Variants in RIMBP2 observed in about 807,000 individuals in gnomAD.
The protein encoded by RIMBP2 is RIMS binding protein 2, also known as RIMS-binding protein 2.
RIMBP2 carries 48 observed loss-of-function variants against 118.6 expected under a neutral mutation model. The observed-to-expected ratio is 0.40, with a 90% CI of 0.32 to 0.51. The LOEUF is 0.51. Among genes scored for constraint, RIMBP2 ranks in the 20% least tolerant of loss-of-function variants. The pLI, the probability that RIMBP2 is intolerant of heterozygous loss-of-function variation, is 0.41. For synonymous variants in RIMBP2, 762 were observed against 742.9 expected (o/e 1.03, Z -0.42); for missense variants, 1,551 against 1,768.3 (o/e 0.88, Z 2.20).
At chr12:130,566,303 C>G (rs1194898628) in intron 2 of RIMBP2, among the ~76,000 whole-genome samples, 1 of 152,162 alleles carries the variant, frequency 6.6e-6, no homozygotes, top group African/African-American at 2.4e-5. Flanking sequence ...GCTATTGCCC[C>G]TCTAGACAAG....
At chr12:130,639,949 C>T (rs1348504154) in intron 1 of RIMBP2, among the ~76,000 whole-genome samples, 2 of 152,156 alleles carry the variant, frequency 1.3e-5, no homozygotes, top group African/African-American at 4.8e-5. Flanking sequence ...AAATTCCTGA[C>T]ATATGAGGGA....
intron 11 of RIMBP2, 53 bp from the exon 12 acceptor site, chr12:130,438,569 G>A: frequency 6.8e-7 from 1 of 1,465,790 alleles, no homozygotes; most frequent in African/African-American, 1.4e-5. Flanking sequence ...CCTGGCAGGT[G>A]AGCCGTGACT....
At chr12:130,532,011 T>G (rs1334156142) in intron 2 of RIMBP2, among the ~76,000 whole-genome samples, 16 of 80,236 alleles carry the variant, frequency 2.0e-4, no homozygotes, top group South Asian at 4.9e-4. Context: ...ATGCGTATGT[T>G]TAGCCTCTAG....
intron 19 of RIMBP2, among the ~76,000 whole-genome samples, chr12:130,409,734 C>G (rs1204319308): frequency 1.3e-5 from 2 of 152,162 alleles, no homozygotes; most frequent in African/African-American, 4.8e-5. Flanking sequence ...TGGCTCTGTT[C>G]CATTGCTGAG....
intron 4 of RIMBP2, 101 bp downstream of exon 4, chr12:130,506,547 G>C: frequency 1.2e-6 from 1 of 844,712 alleles, no homozygotes; most frequent in South Asian, 5.4e-5. Context: ...GGCTTCCAAA[G>C]GAGCTTTACA....
At chr12:130,484,142 G>A (rs761115150) in intron 4 of RIMBP2, among the ~76,000 whole-genome samples, 1 of 152,138 alleles carries the variant, frequency 6.6e-6, no homozygotes, top group Non-Finnish European at 1.5e-5. Context: ...GATGCCCCCC[G>A]AAGTGGACCC....
chr12:130,478,978 C>A lies in RIMBP2; in HGVS notation c.36G>T (p.Gln12His), dbSNP rs372411438. The A allele has an allele frequency of 1.9e-6, 3 of 1,613,972 alleles. No individual in the cohort carries two copies. The highest frequency in any genetic ancestry group is 2.5e-6 in the Non-Finnish European group (3 of 1,179,968). The change falls in exon 5 of 23, where the codon CAG becomes CAT. Residue 12 changes from glutamine (Q) to histidine (H), a missense_variant. Physicochemically the swap from Gln to His is conservative, Grantham distance 24. Coordinates refer to ENST00000690449, the MANE Select transcript of RIMBP2 (RefSeq NM_001393629.1). Reference protein sequence around the residue: ...REAAERRQQLQLEHDQALAVL... With the variant: ...REAAERRQQLHLEHDQALAVL... ...CAGCCAGGGCCTGGTCATGCTCCAA[C>A]TGCAGCTGCTGCCGCCGTTCAGCCG...
At chr12:130,632,343 T>G (rs1662269525) in intron 1 of RIMBP2, among the ~76,000 whole-genome samples, 1 of 152,014 alleles carries the variant, frequency 6.6e-6, no homozygotes, top group African/African-American at 2.4e-5. Context: ...AAGAATAACA[T>G]GAAAAAACGA....
chr12:130,425,010 G>C (rs951667611), intron 15 of RIMBP2, 152 bp from the exon 16 acceptor site: 1 of 425,892 alleles, frequency 2.3e-6, no homozygotes, highest in Admixed American at 4.4e-5. Flanking sequence ...GGGGCATGCC[G>C]TGGAGGGCTC....
rs2065159153 is a variant in RIMBP2 at position 130,688,397 on chromosome 12, C to G, written c.-352+27825G>C. On this transcript the variant is annotated intron_variant, in intron 1 of 22. Transcript: ENST00000690449. This position sits in a 1 kb window ranked among gnomAD's most constrained non-coding sequence, Gnocchi z 4.7. ...TAGAACACTCTGGAACACTCTGGGG[C>G]CATTGGATAACACATACGTTTGCTT... is the stretch of plus-strand genomic sequence containing the variant. Among the ~76,000 whole-genome samples, 1 of 152,140 alleles carries G rather than the reference C, an allele frequency of 6.6e-6. No individual in the cohort carries two copies. Among genetic ancestry groups the G allele is most frequent in the African/African-American group, 2.4e-5 (1 of 41,422 alleles).
chr12:130,630,580 C>G (rs118025474), intron 1 of RIMBP2, among the ~76,000 whole-genome samples: 2 of 152,074 alleles, frequency 1.3e-5, no homozygotes, highest in Admixed American at 6.5e-5. Flanking sequence ...TAAAGGATCT[C>G]TGAGTGCTCT....
At chr12:130,455,570 A>G (rs2079366339) in intron 7 of RIMBP2, among the ~76,000 whole-genome samples, 1 of 152,122 alleles carries the variant, frequency 6.6e-6, no homozygotes, top group Non-Finnish European at 1.5e-5. Context: ...CCAAAAGGGA[A>G]GGGCATGGGA....
chr12:130,626,836 C>G (rs2061668505), intron 2 of RIMBP2, among the ~76,000 whole-genome samples: 1 of 150,846 alleles, frequency 6.6e-6, no homozygotes, highest in Non-Finnish European at 1.5e-5. Flanking sequence ...ACCATCTCCT[C>G]CATCACCATG....
chr12:130,480,472 G>A (rs1335358057), intron 4 of RIMBP2, among the ~76,000 whole-genome samples: 11 of 152,276 alleles, frequency 7.2e-5, no homozygotes, highest in African/African-American at 2.7e-4. Flanking sequence ...AAGCAAGTGG[G>A]TGTCTTGGCC....
chr12:130,434,757 T>C lies in RIMBP2; in HGVS notation c.2230A>G (p.Lys744Glu). 6.2e-7 allele frequency: 1 copy of C among 1,613,320 alleles called. No homozygotes were observed. The highest frequency in any genetic ancestry group is 2.2e-5 in the East Asian group (1 of 44,836). Residue 744 changes from lysine (K) to glutamate (E), a missense_variant, in exon 14 of 23, where the codon AAA becomes GAA. Physicochemically the swap from Lys to Glu is moderately conservative, Grantham distance 56 (BLOSUM62 1). Transcript: ENST00000690449. This position sits in a 1 kb window ranked among gnomAD's most constrained non-coding sequence, Gnocchi z 5.7. Reference protein sequence around the residue: ...RRGASVDDFLKGSELGKQPHC... With the variant: ...RRGASVDDFLEGSELGKQPHC... ...ACCTGCTTGCCAAGTTCAGAGCCTT[T>C]CAGGAAGTCGTCCACCGAGGCGCCC... is the stretch of plus-strand genomic sequence containing the variant.
chr12:130,488,941 T>A (rs2082701403), intron 4 of RIMBP2, among the ~76,000 whole-genome samples: 1 of 150,526 alleles, frequency 6.6e-6, no homozygotes. Context: ...CCGATGCATG[T>A]ATAGACACTG....
chr12:130,457,321 G>A (rs934867380), intron 6 of RIMBP2, among the ~76,000 whole-genome samples: 5 of 152,322 alleles, frequency 3.3e-5, no homozygotes, highest in East Asian at 1.9e-4. Context: ...ACGAAGCCAC[G>A]TCGGGAGCCC....
At chr12:130,402,143 T>C (rs569097335) in intron 21 of RIMBP2, among the ~76,000 whole-genome samples, 5 of 152,190 alleles carry the variant, frequency 3.3e-5, no homozygotes, top group Admixed American at 1.3e-4. Flanking sequence ...CCTCTACCAC[T>C]GCGTGCTACT....
intron 2 of RIMBP2, among the ~76,000 whole-genome samples, chr12:130,613,931 C>A (rs571677787): frequency 6.6e-6 from 1 of 152,212 alleles, no homozygotes; most frequent in South Asian, 2.1e-4. Context: ...ACCATAGGAC[C>A]CCAATGACAG....
Sources: allele counts gnomAD v4.1 joint callset (sites outside exome capture counted in the v4.1 genomes callset), GRCh38; gene constraint gnomAD v4.1.1; non-coding constraint Gnocchi (gnomAD v3.1); transcripts MANE v1.5; gene names NCBI Gene and HGNC (gene_info 2026-07-23, HGNC 2026-07-21).